The following SLCO1B3 variants were observed in gnomAD, a reference collection of about 807,000 sequenced individuals.
SLCO1B3 encodes the protein liver-specific organic anion transporter 2.
Under a neutral mutation model 71.8 loss-of-function variants are expected in SLCO1B3, and 72 were observed. The ratio of observed to expected loss-of-function variants is 1.00; its 90% CI spans 0.83 to 1.22. The LOEUF (loss-of-function observed/expected upper bound fraction) is 1.22, where lower values mean the gene tolerates loss of function less well. SLCO1B3 is among the 50% of genes most tolerant of loss of function. The pLI is 0.00. For synonymous variants in SLCO1B3, 298 were observed against 278.4 expected (o/e 1.07, Z -0.70); for missense variants, 911 against 819.7 (o/e 1.11, Z -1.36).
At chr12:20,834,422 G>A (rs10743397) in intron 3 of SLCO1B3, among the ~76,000 whole-genome samples, 66,076 of 144,732 alleles carry the variant, frequency 0.46, 17,044 homozygotes, top group South Asian at 0.64. Flanking sequence ...CTTTGGTAGA[G>A]TAACAGGTTA....
At chr12:20,876,810 T>A (rs892631696) in intron 9 of SLCO1B3, among the ~76,000 whole-genome samples, 18 of 152,292 alleles carry the variant, frequency 1.2e-4, no homozygotes, top group African/African-American at 3.8e-4. Context: ...ATGTTTCTAC[T>A]TTAATCAAAT....
intron 15 of SLCO1B3, among the ~76,000 whole-genome samples, chr12:20,913,867 T>A (rs943504762): frequency 2.0e-5 from 3 of 152,202 alleles, no homozygotes; most frequent in African/African-American, 7.2e-5. Context: ...TCCTTCTGCC[T>A]CAGCCTCCCA....
intron 5 of SLCO1B3, among the ~76,000 whole-genome samples, chr12:20,859,499 A>C (rs1422326853): frequency 2.3e-5 from 3 of 127,996 alleles, no homozygotes; most frequent in African/African-American, 5.2e-5. Context: ...TTCCCCCTCT[A>C]CATTTGGCCC....
chr12:20,916,096 G>T lies in SLCO1B3; in HGVS notation c.1958G>T (p.Gly653Val). 6.2e-7 allele frequency: 1 copy of T among 1,613,252 alleles called. No homozygotes were observed. The highest frequency in any genetic ancestry group is 1.1e-5 in the South Asian group (1 of 91,046). Reference sequence around the variant, plus strand: ...TTTGCTATGAAGAAAAAATTTCAAGGAAAAGATACCAAGGCATCGGACAAT... The same window carrying T: ...TTTGCTATGAAGAAAAAATTTCAAGTAAAAGATACCAAGGCATCGGACAAT... ...FIFAMKKKFQ[G>V]KDTKASDNER... Residue 653 changes from glycine to valine, a missense_variant, in exon 16 of 16, where the codon GGA becomes GTA. Gly to Val is a moderately radical substitution (Grantham distance 109, BLOSUM62 -3). Coordinates refer to ENST00000381545, the MANE Select transcript of SLCO1B3 (RefSeq NM_019844.4).
chr12:20,861,011 T>C lies in SLCO1B3; in HGVS notation c.360-6T>C. Reference sequence around the variant, plus strand: ...CAAAATGTTCAATTTCATGTTGCTCTTACAGTTATAGGTATTCTAAAGAAA... The same window carrying C: ...CAAAATGTTCAATTTCATGTTGCTCCTACAGTTATAGGTATTCTAAAGAAA... On this transcript the variant is annotated splice_polypyrimidine_tract_variant and splice_region_variant and intron_variant, in intron 5 of 15. Transcript: ENST00000381545. The C allele has an allele frequency of 6.4e-7, 1 of 1,562,912 alleles. No homozygotes were observed. Among genetic ancestry groups the C allele is most frequent in the Non-Finnish European group, 8.7e-7 (1 of 1,150,528 alleles).
intron 13 of SLCO1B3, among the ~76,000 whole-genome samples, chr12:20,888,656 T>A (rs1011403410): frequency 6.6e-6 from 1 of 152,026 alleles, no homozygotes; most frequent in Non-Finnish European, 1.5e-5. Flanking sequence ...CAAATTCTTC[T>A]TTTCCCATTT....
At chr12:20,905,351 C>G (rs1162891429) in intron 15 of SLCO1B3, among the ~76,000 whole-genome samples, 1 of 152,196 alleles carries the variant, frequency 6.6e-6, no homozygotes, top group Admixed American at 6.5e-5. Context: ...ATCCTCTTTA[C>G]TTATGCAAAT....
At chr12:20,827,275 A>G (rs1006160122) in intron 3 of SLCO1B3, among the ~76,000 whole-genome samples, 11 of 152,152 alleles carry the variant, frequency 7.2e-5, no homozygotes, top group Non-Finnish European at 1.5e-4. Flanking sequence ...TTCTAAAGAC[A>G]TTTCTAATTT....
chr12:20,856,613 G>A (rs1425586868), intron 4 of SLCO1B3, among the ~76,000 whole-genome samples: 2 of 152,162 alleles, frequency 1.3e-5, no homozygotes, highest in Non-Finnish European at 2.9e-5. Context: ...CCATGCTCGT[G>A]CAGTGCCCTG....
chr12:20,907,338 AT>A lies in SLCO1B3; in HGVS notation c.1865+5874del, dbSNP rs1454077655. Among the ~76,000 whole-genome samples the A allele has an allele frequency of 2.6e-5, 4 of 152,022 alleles. No homozygotes were observed. In the East Asian group the frequency reaches 7.7e-4, roughly 29 times the overall value. ...CAGCAGCCCACAGACATTCTCTTAA[AT>A]TTAAAATAATTATAGAAAATCTTTC... On this transcript the variant is annotated intron_variant, in intron 15 of 15. Transcript: ENST00000381545.
chr12:20,900,750 G>C (rs943773657), intron 14 of SLCO1B3, among the ~76,000 whole-genome samples: 1 of 152,190 alleles, frequency 6.6e-6, no homozygotes, highest in Non-Finnish European at 1.5e-5. Flanking sequence ...ATGGCACTAA[G>C]AAAGAGAGAA....
intron 14 of SLCO1B3, among the ~76,000 whole-genome samples, chr12:20,899,745 GT>G (rs1866091547): frequency 6.6e-6 from 1 of 152,142 alleles, no homozygotes; most frequent in African/African-American, 2.4e-5. Flanking sequence ...CTTCTGATAT[GT>G]TGAAATGAGA....
intron 3 of SLCO1B3, among the ~76,000 whole-genome samples, chr12:20,845,574 G>T (rs1232433715): frequency 6.6e-6 from 1 of 151,872 alleles, no homozygotes; most frequent in East Asian, 1.9e-4. Context: ...TTCTCTGGAG[G>T]AAATAAAGAA....
intron 3 of SLCO1B3, among the ~76,000 whole-genome samples, chr12:20,820,438 C>T (rs1036703515): frequency 1.3e-5 from 2 of 152,106 alleles, no homozygotes; most frequent in Non-Finnish European, 1.5e-5. Flanking sequence ...ATTACTTGGC[C>T]TGGTGGTCAG....
chr12:20,834,327 A>G (rs1426623193), intron 3 of SLCO1B3, among the ~76,000 whole-genome samples: 1 of 145,076 alleles, frequency 6.9e-6, no homozygotes, highest in African/African-American at 2.5e-5. Flanking sequence ...ATATACATAT[A>G]TATGTTGTAA....
chr12:20,820,885 G>A (rs542857139), intron 3 of SLCO1B3, among the ~76,000 whole-genome samples: 21 of 152,216 alleles, frequency 1.4e-4, no homozygotes, highest in Non-Finnish European at 2.1e-4. Context: ...CTATGCCTTT[G>A]GCTCCAGCCA....
chr12:20,916,746 C>G lies in SLCO1B3; in HGVS notation c.*499C>G, dbSNP rs369234665. On this transcript the variant is annotated 3_prime_UTR_variant, in exon 16 of 16. Coordinates refer to ENST00000381545, the MANE Select transcript of SLCO1B3 (RefSeq NM_019844.4). ...TGAATTTGTGTTTGACTAACAACCT[C>G]GATGGATCTTCTTCCAACCTCCCAT... 6.6e-6 allele frequency: 1 copy of G among 152,086 alleles called. No individual in the cohort carries two copies. The highest frequency in any genetic ancestry group is 1.5e-5 in the Non-Finnish European group (1 of 68,010). The allele number at this position is 152,086 out of a possible 1,614,324, so 9.4% of individuals were successfully genotyped here.
intron 6 of SLCO1B3, among the ~76,000 whole-genome samples, 196 bp from the exon 7 acceptor site, chr12:20,862,216 G>T (rs1865281017): frequency 6.6e-6 from 1 of 152,146 alleles, no homozygotes; most frequent in South Asian, 2.1e-4. Flanking sequence ...TCTGTGTGTA[G>T]TGTAATTATA....
At chr12:20,858,360 G>T in intron 4 of SLCO1B3, 79 bp from the exon 5 acceptor site, 1 of 964,480 alleles carries the variant, frequency 1.0e-6, no homozygotes, top group Non-Finnish European at 1.6e-6. Context: ...GGGCATATTT[G>T]CATTCATTTG....
Sources: allele counts gnomAD v4.1 joint callset (sites outside exome capture counted in the v4.1 genomes callset), GRCh38; gene constraint gnomAD v4.1.1; transcripts MANE v1.5; gene names NCBI Gene and HGNC (gene_info 2026-07-23, HGNC 2026-07-21).